The following CDKL3 variants were observed in gnomAD, a reference collection of about 807,000 sequenced individuals.
CDKL3 encodes the protein cyclin-dependent kinase-like 3.
A neutral mutation model predicts 69.3 loss-of-function variants in CDKL3; 65 were observed. The ratio of observed to expected loss-of-function variants is 0.94; its 90% CI spans 0.77 to 1.15. The LOEUF is 1.15. Ranked by LOEUF, CDKL3 falls within the 50% of genes most tolerant of loss-of-function variation. CDKL3 has a pLI of 0.00. For synonymous variants in CDKL3, 202 were observed against 221.6 expected, an observed-to-expected ratio of 0.91 and a Z score of 0.79; for missense variants, 652 against 689.2, an observed-to-expected ratio of 0.95 and a Z score of 0.61.
At chr5:134,367,688 A>G (rs1757791200), upstream of CDKL3, among the ~76,000 whole-genome samples, 1 of 152,192 alleles carries the variant, frequency 6.6e-6, no homozygotes, top group Admixed American at 6.5e-5. Flanking sequence ...TGGTTCTTAA[A>G]TCAAAAACTT....
intron 12 of CDKL3, 126 bp downstream of exon 12, chr5:134,302,464 T>C: frequency 1.6e-6 from 1 of 620,794 alleles, no homozygotes; most frequent in Non-Finnish European, 2.8e-6. Flanking sequence ...ATCTGTTTCT[T>C]TAGTTCAAAG....
intron 8 of CDKL3, 25 bp from the exon 9 acceptor site, chr5:134,308,491 G>T: frequency 6.4e-7 from 1 of 1,570,956 alleles, no homozygotes; most frequent in Non-Finnish European, 8.6e-7. Flanking sequence ...TCCAAAATCT[G>T]AGTCATCATA....
At position 134,308,629 on chromosome 5, in the gene CDKL3, T is replaced by G. The variant is rs1561518200; in HGVS notation, c.980A>C (p.Asp327Ala). 1 of 1,608,764 alleles carries G rather than the reference T, an allele frequency of 6.2e-7. No homozygotes were observed. Residue 327 changes from aspartate (D) to alanine (A), a missense_variant, in exon 8 of 13, where the codon GAT becomes GCT. Asp to Ala is a moderately radical substitution (Grantham distance 126). Transcript: ENST00000265334. ...ESSKENELRK[D>A]ERKTVYTNTL... is the part of the protein sequence containing the mutation. ...ATTGGTATAAACTGTTTTTCTTTCA[T>G]CTTTCCTGAGTTCATTTTCTTTAGA...
At chr5:134,286,239 T>C (rs1379441276), downstream of CDKL3, 2 of 152,416 alleles carry the variant, frequency 1.3e-5, no homozygotes, top group Admixed American at 1.3e-4. Flanking sequence ...GCCAATCTCT[T>C]TGCTAAAACA....
At chr5:134,308,758 C>A in intron 7 of CDKL3, 31 bp from the exon 8 acceptor site, 2 of 1,541,030 alleles carry the variant, frequency 1.3e-6, no homozygotes, top group East Asian at 2.3e-5. Context: ...AACGAGTAAT[C>A]TTTTTATATA....
intron 7 of CDKL3, among the ~76,000 whole-genome samples, chr5:134,309,731 G>A (rs1387865671): frequency 6.6e-6 from 1 of 152,068 alleles, no homozygotes; most frequent in Non-Finnish European, 1.5e-5. Flanking sequence ...TGAACTCAAG[G>A]TACTTTCACC....
At chr5:134,285,266 A>G (rs1006479844), downstream of CDKL3, among the ~76,000 whole-genome samples, 1 of 152,194 alleles carries the variant, frequency 6.6e-6, no homozygotes, top group Non-Finnish European at 1.5e-5. Context: ...CTACCCCAGC[A>G]GATGTTCTCC....
At chr5:134,371,514 T>G (rs1581313866), upstream of CDKL3, 3 of 1,511,760 alleles carry the variant, frequency 2.0e-6, no homozygotes, top group Non-Finnish European at 1.8e-6. Context: ...CGATCCACAG[T>G]GATTCGGCCG....
At chr5:134,328,586 T>A (rs1253135075) in intron 4 of CDKL3, among the ~76,000 whole-genome samples, 1 of 150,858 alleles carries the variant, frequency 6.6e-6, no homozygotes, top group Non-Finnish European at 1.5e-5. Context: ...TAAAAATGAG[T>A]GGGGAGAATA....
At chr5:134,364,574 T>TG (rs1462020947) in intron 2 of CDKL3, among the ~76,000 whole-genome samples, 1 of 151,690 alleles carries the variant, frequency 6.6e-6, no homozygotes, top group Non-Finnish European at 1.5e-5. Context: ...TGCAATAGTG[T>TG]GATCTCGGCT....
At chr5:134,345,485 G>C (rs550336876) in intron 4 of CDKL3, among the ~76,000 whole-genome samples, 1 of 152,324 alleles carries the variant, frequency 6.6e-6, no homozygotes, top group South Asian at 2.1e-4. Flanking sequence ...CGTGTGAAGA[G>C]ACCACCAAAC....
intron 3 of CDKL3, 74 bp downstream of exon 3, chr5:134,359,823 A>G (rs949006359): frequency 1.0e-6 from 1 of 977,464 alleles, no homozygotes; most frequent in African/African-American, 1.7e-5. Context: ...CACCTTCATA[A>G]AAATAAAACA....
intron 7 of CDKL3, among the ~76,000 whole-genome samples, chr5:134,309,417 A>G (rs1467779454): frequency 2.6e-5 from 4 of 152,156 alleles, no homozygotes; most frequent in African/African-American, 9.7e-5. Context: ...TTAAAAATGA[A>G]CTAACTAACT....
At chr5:134,316,948 C>G (rs1771247804) in intron 6 of CDKL3, among the ~76,000 whole-genome samples, 1 of 152,058 alleles carries the variant, frequency 6.6e-6, no homozygotes. Flanking sequence ...TTGGGAAAAT[C>G]TGAACCTCTC....
intron 3 of CDKL3, among the ~76,000 whole-genome samples, chr5:134,359,202 G>A (rs897597986): frequency 3.9e-5 from 6 of 151,932 alleles, no homozygotes; most frequent in Non-Finnish European, 5.9e-5. Context: ...TTAAGGAGAG[G>A]CAGGAGAATT....
upstream of CDKL3, chr5:134,367,211 C>A (rs556578550): frequency 1.0e-6 from 1 of 985,734 alleles, no homozygotes; most frequent in Non-Finnish European, 1.2e-6. Flanking sequence ...AGGGTCCCGA[C>A]CCGGAAGGGG....
chr5:134,363,979 G>T (rs10479076), intron 2 of CDKL3, among the ~76,000 whole-genome samples: 1 of 109,230 alleles, frequency 9.2e-6, no homozygotes, highest in Non-Finnish European at 1.8e-5. Flanking sequence ...AAAAAAAAAA[G>T]AGAGAGAAAG....
rs758481674 is a variant in CDKL3, at chr5:134,312,370, T to G, written c.803A>C (p.Gln268Pro). The change falls in exon 7 of 13, where the codon CAA (glutamine) becomes CCA (proline). Residue 268 changes from glutamine (Q) to proline (P), a missense_variant. By Grantham distance (76) the Gln-to-Pro change is moderately conservative. Coordinates refer to ENST00000265334, the MANE Select transcript of CDKL3 (RefSeq NM_001113575.2). ...TGATATCCTGTCAGCAGGATCAATT[T>G]GTAAACAAGCCTAGGAAAGGAAAAA... ...LLADIVHACL[Q>P]IDPADRISSS... is the part of the protein sequence containing the mutation. The G allele has an allele frequency of 6.9e-6, 11 of 1,589,514 alleles. No individual in the cohort carries two copies. The East Asian group carries it at 2.0e-4, about 30-fold the overall frequency.
chr5:134,325,468 C>T (rs765587546), intron 4 of CDKL3, among the ~76,000 whole-genome samples: 1 of 151,998 alleles, frequency 6.6e-6, no homozygotes, highest in African/African-American at 2.4e-5. Context: ...AAAATTAAGA[C>T]CAAGTTTTGG....
Sources: gnomAD v4.1 joint callset for allele counts (sites outside exome capture counted in the v4.1 genomes callset) on GRCh38, gnomAD v4.1.1 for gene constraint, MANE v1.5 for transcripts, NCBI Gene and HGNC (gene_info 2026-07-23, HGNC 2026-07-21) for gene names.